The following LRCH4 variants were observed in gnomAD, a reference collection of about 807,000 sequenced individuals.
LRCH4 encodes the protein leucine rich repeats and calponin homology domain containing 4.
In LRCH4, 56 loss-of-function variants were observed where a neutral mutation model predicts 81.2. The observed-to-expected ratio is 0.69, with a 90% CI of 0.56 to 0.86. LRCH4 has a LOEUF of 0.86. Among genes scored for constraint, LRCH4 ranks in the 40% least tolerant of loss-of-function variants. LRCH4 has a pLI of 0.00. For synonymous variants in LRCH4, 442 were observed against 409.7 expected (o/e 1.08, Z -0.95); for missense variants, 895 against 922.8 (o/e 0.97, Z 0.39).
At chr7:100,585,858 GC>G (rs751952017) in intron 1 of LRCH4, 22 bp downstream of exon 1, 5 of 1,546,792 alleles carry the variant, frequency 3.2e-6, no homozygotes, top group Non-Finnish European at 4.4e-6. Flanking sequence ...ACCCGGTTGG[GC>G]CCGGGGCCCG....
chr7:100,577,670 A>G lies in LRCH4; in HGVS notation c.1110T>C (p.Thr370=). The change falls in exon 9 of 18, where the codon ACT becomes ACC. Residue 370 remains threonine (T), a synonymous_variant. Coordinates refer to ENST00000310300, the MANE Select transcript of LRCH4 (RefSeq NM_002319.5). This position sits in a 1 kb window ranked among gnomAD's most constrained non-coding sequence, Gnocchi z 6.7. ...GGCATAGCTGGGCTCTCACCTCCAC[A>G]GTGCCTCGCTCTTCATCCTCCCCGG... ...HVPGEDEERG[T]VEEQRPPELS... The G allele has an allele frequency of 6.2e-7, 1 of 1,613,700 alleles. No homozygotes were observed. Among genetic ancestry groups the G allele is most frequent in the South Asian group, 1.1e-5 (1 of 91,072 alleles).
chr7:100,576,456 G>A (rs1356830301), intron 14 of LRCH4, 133 bp from the exon 15 acceptor site: 5 of 688,484 alleles, frequency 7.3e-6, no homozygotes, highest in African/African-American at 3.6e-5. Flanking sequence ...TGGAGATGGG[G>A]TCTCGCTATG....
Position 100,583,562 on chromosome 7 carries a change from A to G in LRCH4, c.221-1103T>C, listed in dbSNP as rs1172403818. Among the ~76,000 whole-genome samples the G allele has an allele frequency of 6.6e-6, 1 of 152,200 alleles. No individual in the cohort carries two copies. Among genetic ancestry groups the G allele is most frequent in the Admixed American group, 6.5e-5 (1 of 15,284 alleles). ...AGCAAGCAGAGGAGAGAAGCCGGGTATATCCCCCAAGGAAATGAGTCTTGT... is the reference window on the plus strand; with the variant it reads ...AGCAAGCAGAGGAGAGAAGCCGGGTGTATCCCCCAAGGAAATGAGTCTTGT... On this transcript the variant is annotated intron_variant, in intron 1 of 17. Transcript: ENST00000310300. This position sits in a 1 kb window ranked among gnomAD's most constrained non-coding sequence, Gnocchi z 4.3.
Position 100,577,387 on chromosome 7 carries a change from C to G in LRCH4, c.1181G>C (p.Arg394Pro). The change falls in exon 11 of 18, where the codon CGG becomes CCG. Residue 394 changes from arginine (R) to proline (P), a missense_variant and splice_region_variant. Physicochemically the swap from Arg to Pro is moderately radical, Grantham distance 103. Around this residue, in one of 3 missense-constraint regions of LRCH4, gnomAD observed 529 missense variants for 504.9 expected, o/e 1.05. Coordinates refer to ENST00000310300, the MANE Select transcript of LRCH4 (RefSeq NM_002319.5). This position sits in a 1 kb window ranked among gnomAD's most constrained non-coding sequence, Gnocchi z 6.7. ...CCGCTCCTCCCCTGCCGGCTCCTCC[C>G]GCCTGAGGGACCAAGACAGGGCAAG... ...GDRERAPSSRREEPAGEERRR... is the reference protein window; with the variant it reads ...GDRERAPSSRPEEPAGEERRR... 6.3e-7 allele frequency: 1 copy of G among 1,599,888 alleles called. No homozygotes were observed. The highest frequency in any genetic ancestry group is 2.2e-5 in the East Asian group (1 of 44,854).
At chr7:100,576,216 C>T (rs374041126) in intron 15 of LRCH4, 22 bp downstream of exon 15, 43 of 1,611,432 alleles carry the variant, frequency 2.7e-5, no homozygotes, top group East Asian at 1.1e-4. Flanking sequence ...CCCCTGCCCA[C>T]GCAGCTCCCG....
chr7:100,576,226 G>A lies in LRCH4; in HGVS notation c.1638+12C>T, dbSNP rs917426314. The A allele has an allele frequency of 9.3e-6, 15 of 1,613,102 alleles. No homozygotes were observed. The highest frequency in any genetic ancestry group is 1.7e-5 in the Admixed American group (1 of 59,954). On this transcript the variant is annotated intron_variant, in intron 15 of 17. Coordinates refer to ENST00000310300, the MANE Select transcript of LRCH4 (RefSeq NM_002319.5). ...CCAGGCCCCTGCCCACGCAGCTCCC[G>A]CCTCTGCTCACCTGGCGCAGCTGAG... is the stretch of plus-strand genomic sequence containing the variant.
chr7:100,581,578 C>T, intron 4 of LRCH4, 199 bp downstream of exon 4: 2 of 549,218 alleles, frequency 3.6e-6, no homozygotes, highest in South Asian at 2.2e-5. Flanking sequence ...AAGGAGCCGG[C>T]AGTCTGCAGC....
rs199982219 is a variant in LRCH4 at position 100,576,998 on chromosome 7, G to A, written c.1372C>T (p.Pro458Ser). 3.7e-6 allele frequency: 6 copies of A among 1,611,732 alleles called. No individual in the cohort carries two copies. The East Asian group carries it at 1.3e-4, about 36-fold the overall frequency. The change falls in exon 13 of 18, where the codon CCT becomes TCT. Residue 458 changes from proline (P) to serine (S), a missense_variant. Pro to Ser is a moderately conservative substitution (Grantham distance 74, BLOSUM62 -1). Transcript: ENST00000310300. ...CCTGCTTGGGAGGCACTGGACTTAG[G>A]CGAGCCGCTGAGGAGAGACAGAAGG... is the stretch of plus-strand genomic sequence containing the variant. Reference protein sequence around the residue: ...VSTQAMHNGSPKSSASQAGAA... With the variant: ...VSTQAMHNGSSKSSASQAGAA...
chr7:100,575,581 G>C lies in LRCH4; in HGVS notation c.1854+124C>G. The C allele has an allele frequency of 2.5e-6, 3 of 1,199,326 alleles. No individual in the cohort carries two copies. The highest frequency in any genetic ancestry group is 1.5e-5 in the African/African-American group (1 of 67,076). 74.3% of individuals were successfully genotyped at this position (1,199,326 alleles called of 1,614,324 possible). On this transcript the variant is annotated intron_variant, in intron 17 of 17. Coordinates refer to ENST00000310300, the MANE Select transcript of LRCH4 (RefSeq NM_002319.5). The surrounding 1 kb of genome is among the most constrained non-coding windows in gnomAD (Gnocchi z 5.3). Reference sequence around the variant, plus strand: ...TGCAGGGCAGGGGGCATGCTGGGCAGGGCAGGGGCAGCCTGTGCCTTCATC... The same window carrying C: ...TGCAGGGCAGGGGGCATGCTGGGCACGGCAGGGGCAGCCTGTGCCTTCATC...
chr7:100,574,020 A>C lies in LRCH4; in HGVS notation c.*1087T>G. On this transcript the variant is annotated 3_prime_UTR_variant, in exon 18 of 18. Transcript: ENST00000310300. ...GTGCTCTCAGACACAGTTACACCTG[A>C]GGGCCACCCAGAGGGCTTCTGGCTT... 1 of 170,158 alleles carries C rather than the reference A, an allele frequency of 5.9e-6. No individual in the cohort carries two copies. The highest frequency in any genetic ancestry group is 1.3e-5 in the Non-Finnish European group (1 of 79,008). The allele number at this position is 170,158 out of a possible 1,614,324, so 10.5% of individuals were successfully genotyped here.
In LRCH4 at chr7:100,575,427, C is replaced by T; in HGVS notation, c.1855-123G>A. Reference sequence around the variant, plus strand: ...AGAACCACGCCCACATGCTGACGTGCTGGGCAGGGGGAGTGCAGTGCAGGA... The same window carrying T: ...AGAACCACGCCCACATGCTGACGTGTTGGGCAGGGGGAGTGCAGTGCAGGA... On this transcript the variant is annotated intron_variant, in intron 17 of 17. Coordinates refer to ENST00000310300, the MANE Select transcript of LRCH4 (RefSeq NM_002319.5). The surrounding 1 kb of genome is among the most constrained non-coding windows in gnomAD (Gnocchi z 5.3). The T allele has an allele frequency of 1.0e-6, 1 of 973,134 alleles. No homozygotes were observed. Among genetic ancestry groups the T allele is most frequent in the Non-Finnish European group, 1.6e-6 (1 of 638,430 alleles). 60.3% of individuals were successfully genotyped at this position (973,134 alleles called of 1,614,324 possible).
At chr7:100,584,444 G>A (rs1360811061) in intron 1 of LRCH4, among the ~76,000 whole-genome samples, 3 of 151,982 alleles carry the variant, frequency 2.0e-5, no homozygotes, top group Non-Finnish European at 4.4e-5. Context: ...GCGGGAGCTG[G>A]GAGGGGCCGG....
Position 100,582,020 on chromosome 7 carries a change from T to C in LRCH4, c.492+21A>G. 6.2e-7 allele frequency: 1 copy of C among 1,601,898 alleles called. No individual in the cohort carries two copies. The highest frequency in any genetic ancestry group is 8.5e-7 in the Non-Finnish European group (1 of 1,173,710). On this transcript the variant is annotated intron_variant, in intron 3 of 17. Transcript: ENST00000310300. This position sits in a 1 kb window ranked among gnomAD's most constrained non-coding sequence, Gnocchi z 5.0. ...CTGCCTGGCTCAGGGGTCCCTTTCC[T>C]GGTCCCGTCCCCATCCTCACAAGCT...
In LRCH4 at chr7:100,575,127, T is replaced by C; in HGVS notation, c.2032A>G (p.Thr678Ala). 2 of 1,610,260 alleles carry C rather than the reference T, an allele frequency of 1.2e-6. No individual in the cohort carries two copies. The highest frequency in any genetic ancestry group is 1.7e-6 in the Non-Finnish European group (2 of 1,177,738). The change falls in exon 18 of 18, where the codon ACT (threonine) becomes GCT (alanine). Residue 678 changes from threonine to alanine, a missense_variant. Physicochemically the swap from Thr to Ala is moderately conservative, Grantham distance 58 (BLOSUM62 0). Transcript: ENST00000310300. The surrounding 1 kb of genome is among the most constrained non-coding windows in gnomAD (Gnocchi z 5.3). ...VLMLLLYVTYTRLLGS is the reference protein window; with the variant it reads ...VLMLLLYVTYARLLGS ...GGGGCCTAGGAACCCAGGAGCCGAGTGTAGGTGACATAGAGCAGCAGCATG... is the reference window on the plus strand; with the variant it reads ...GGGGCCTAGGAACCCAGGAGCCGAGCGTAGGTGACATAGAGCAGCAGCATG...
At chr7:100,581,914 T>C in intron 3 of LRCH4, 32 bp from the exon 4 acceptor site, 1 of 1,611,414 alleles carries the variant, frequency 6.2e-7, no homozygotes, top group Non-Finnish European at 8.5e-7. Flanking sequence ...GAAGGGGCCA[T>C]GAGACCAGGC....
In LRCH4 at chr7:100,576,190, A is replaced by G; in HGVS notation, c.1638+48T>C. The G allele has an allele frequency of 3.2e-6, 5 of 1,582,224 alleles. No homozygotes were observed. The South Asian group carries it at 4.5e-5, about 14-fold the overall frequency. ...TGGTCCCAAGGACAGCAACACAAGG[A>G]GGTGCCCGGCCCAGGCCCCTGCCCA... On this transcript the variant is annotated intron_variant, in intron 15 of 17. Coordinates refer to ENST00000310300, the MANE Select transcript of LRCH4 (RefSeq NM_002319.5).
At position 100,577,859 on chromosome 7, in the gene LRCH4, C is replaced by A; in HGVS notation, c.1002G>T (p.Glu334Asp). Residue 334 changes from glutamate (E) to aspartate (D), a missense_variant, in exon 8 of 18, where the codon GAG becomes GAT. By Grantham distance (45) the Glu-to-Asp change is conservative. Coordinates refer to ENST00000310300, the MANE Select transcript of LRCH4 (RefSeq NM_002319.5). This position sits in a 1 kb window ranked among gnomAD's most constrained non-coding sequence, Gnocchi z 6.7. Reference sequence around the variant, plus strand: ...CCTTGCGTTCTCTGGGTCCCCGGGGCTCCCGGGCCAGCTCTGAGATCCGGA... The same window carrying A: ...CCTTGCGTTCTCTGGGTCCCCGGGGATCCCGGGCCAGCTCTGAGATCCGGA... ...LSFRISELAR[E>D]PRGPRERKED... 2 of 1,613,900 alleles carry A rather than the reference C, an allele frequency of 1.2e-6. No homozygotes were observed. The highest frequency in any genetic ancestry group is 2.2e-5 in the South Asian group (2 of 91,070).
rs200007538 is a variant in LRCH4, at chr7:100,577,198, G to A, written c.1296-44C>T. On this transcript the variant is annotated intron_variant, in intron 11 of 17. Coordinates refer to ENST00000310300, the MANE Select transcript of LRCH4 (RefSeq NM_002319.5). This position sits in a 1 kb window ranked among gnomAD's most constrained non-coding sequence, Gnocchi z 6.7. Reference sequence around the variant, plus strand: ...GGGTCAGCTAGCCCCAAGGCAGAACGGCTCAGCGGGGCTCGGTGGCCCCAT... The same window carrying A: ...GGGTCAGCTAGCCCCAAGGCAGAACAGCTCAGCGGGGCTCGGTGGCCCCAT... 4.2e-4 allele frequency: 682 copies of A among 1,611,028 alleles called. 3 individuals are homozygous for A. In the East Asian group the frequency reaches 0.013, roughly 31 times the overall value.
In LRCH4 at chr7:100,574,996, G is replaced by A. The variant is rs1032918102; in HGVS notation, c.*111C>T. 5.9e-6 allele frequency: 6 copies of A among 1,008,932 alleles called. No individual in the cohort carries two copies. The African/African-American group carries it at 6.5e-5, about 11-fold the overall frequency. The allele number at this position is 1,008,932 out of a possible 1,614,324, so 62.5% of individuals were successfully genotyped here. A position where few individuals can be genotyped will look rare whatever the true frequency, so the allele number is the denominator to read the frequency against. ...TGAGGTCAGTGTCTGTGAAGGGGGTGCACTAGTGTCTTTGGTTGGGGCTGA... is the reference window on the plus strand; with the variant it reads ...TGAGGTCAGTGTCTGTGAAGGGGGTACACTAGTGTCTTTGGTTGGGGCTGA... On this transcript the variant is annotated 3_prime_UTR_variant, in exon 18 of 18. Transcript: ENST00000310300.
Sources: allele counts gnomAD v4.1 joint callset (sites outside exome capture counted in the v4.1 genomes callset), GRCh38; gene constraint gnomAD v4.1.1; regional missense constraint gnomAD v4.1.1; non-coding constraint Gnocchi (gnomAD v3.1); transcripts MANE v1.5; gene names NCBI Gene and HGNC (gene_info 2026-07-23, HGNC 2026-07-21).